Variants in CERS3 observed in about 807,000 individuals in gnomAD.
CERS3 encodes the protein LAG1 homolog, ceramide synthase 3.
Under a neutral mutation model 50.3 loss-of-function variants are expected in CERS3, and 33 were observed. The observed-to-expected ratio is 0.66, with a 90% CI of 0.50 to 0.88. The LOEUF (loss-of-function observed/expected upper bound fraction) is 0.88. Among genes scored for constraint, CERS3 ranks in the 40% least tolerant of loss-of-function variants. The pLI is 0.00. For missense variants in CERS3, 470 were observed against 460.3 expected, an observed-to-expected ratio of 1.02 and a Z score of -0.19; for synonymous variants, 176 against 155.2, an observed-to-expected ratio of 1.13 and a Z score of -0.99.
intron 2 of CERS3, among the ~76,000 whole-genome samples, chr15:100,509,325 T>A (rs2142353780): frequency 6.6e-6 from 1 of 152,356 alleles, no homozygotes; most frequent in Non-Finnish European, 1.5e-5. Flanking sequence ...ACAGTCTAAC[T>A]TTTGCTGATG....
chr15:100,511,409 A>G (rs2036335001), intron 2 of CERS3, among the ~76,000 whole-genome samples: 1 of 152,228 alleles, frequency 6.6e-6, no homozygotes, highest in South Asian at 2.1e-4. Context: ...ACTCAATTTA[A>G]AAAAATAATC....
chr15:100,520,569 C>T (rs1413813507), intron 2 of CERS3, among the ~76,000 whole-genome samples: 1 of 152,218 alleles, frequency 6.6e-6, no homozygotes, highest in Non-Finnish European at 1.5e-5. Context: ...GCTTATAATG[C>T]TTCCTCCTTC....
At chr15:100,485,854 A>G (rs2035468828) in intron 4 of CERS3, among the ~76,000 whole-genome samples, 1 of 152,158 alleles carries the variant, frequency 6.6e-6, no homozygotes, top group Non-Finnish European at 1.5e-5. Flanking sequence ...ACAGAGAAGG[A>G]CTCCATCTCT....
rs1227684242 is a variant in CERS3, at chr15:100,424,239, C to T, written c.1000-21374G>A. ...TACAGGTGTGAGCCACCATGCCTGG[C>T]CAGATATTTCTTTACAGCAGTGCCA... On this transcript the variant is annotated intron_variant, in intron 11 of 11. Transcript: ENST00000679737. Among the ~76,000 whole-genome samples the T allele has an allele frequency of 2.6e-5, 4 of 152,120 alleles. No individual in the cohort carries two copies. The East Asian group carries it at 7.7e-4, about 29-fold the overall frequency.
intron 11 of CERS3, among the ~76,000 whole-genome samples, chr15:100,455,611 A>G (rs971502781): frequency 1.3e-5 from 2 of 152,184 alleles, no homozygotes; most frequent in Non-Finnish European, 2.9e-5. Context: ...ATTTTCTTCA[A>G]GCATAAAAAC....
chr15:100,425,164 C>T (rs989874693), intron 11 of CERS3, among the ~76,000 whole-genome samples: 2 of 152,236 alleles, frequency 1.3e-5, no homozygotes, highest in African/African-American at 2.4e-5. Flanking sequence ...TCCACTAAGG[C>T]AGTGCAGAGG....
At chr15:100,412,458 T>G (rs949592878) in intron 11 of CERS3, among the ~76,000 whole-genome samples, 4 of 152,188 alleles carry the variant, frequency 2.6e-5, no homozygotes, top group Admixed American at 6.5e-5. Flanking sequence ...TACTGAAGAT[T>G]TGTAGTAAGT....
At chr15:100,474,573 T>G (rs1195359134) in intron 8 of CERS3, among the ~76,000 whole-genome samples, 2 of 151,984 alleles carry the variant, frequency 1.3e-5, no homozygotes, top group African/African-American at 4.8e-5. Context: ...CCTGGCTAAT[T>G]TTTGTATTTT....
At chr15:100,415,176 T>G (rs1325600043) in intron 11 of CERS3, among the ~76,000 whole-genome samples, 6 of 152,146 alleles carry the variant, frequency 3.9e-5, no homozygotes, top group African/African-American at 4.8e-5. Flanking sequence ...GAGAAAAAGT[T>G]CAACATCACT....
At chr15:100,493,970 C>A (rs2587775) in intron 3 of CERS3, among the ~76,000 whole-genome samples, 130,250 of 151,692 alleles carry the variant, frequency 0.86, 57,292 homozygotes, top group East Asian at 0.99. Context: ...TGACTTAAAG[C>A]CTCTAATAAG....
intron 2 of CERS3, among the ~76,000 whole-genome samples, chr15:100,519,873 C>G (rs2142381937): frequency 6.6e-6 from 1 of 152,300 alleles, no homozygotes; most frequent in South Asian, 2.1e-4. Flanking sequence ...AACTGTGTAC[C>G]AGGACCCTGT....
At chr15:100,461,161 C>G (rs1310666523) in intron 10 of CERS3, among the ~76,000 whole-genome samples, 1 of 152,134 alleles carries the variant, frequency 6.6e-6, no homozygotes, top group Non-Finnish European at 1.5e-5. Context: ...AATATCAGAG[C>G]TGGGTTCAAG....
chr15:100,458,180 A>G (rs2034436667), intron 10 of CERS3, among the ~76,000 whole-genome samples: 1 of 152,244 alleles, frequency 6.6e-6, no homozygotes, highest in Non-Finnish European at 1.5e-5. Flanking sequence ...TTGTTAATTT[A>G]AAAGATAAAA....
chr15:100,446,361 C>G (rs1389595965), intron 11 of CERS3, among the ~76,000 whole-genome samples: 1 of 131,154 alleles, frequency 7.6e-6, no homozygotes, highest in East Asian at 2.2e-4. Context: ...AGAAACTTCT[C>G]AGGTTTTTTT....
intron 4 of CERS3, among the ~76,000 whole-genome samples, chr15:100,488,688 T>C (rs772978053): frequency 1.1e-4 from 16 of 152,222 alleles, no homozygotes; most frequent in Non-Finnish European, 2.1e-4. Flanking sequence ...GCCTCAGTTT[T>C]TTAATCTCAG....
At chr15:100,460,130 T>C (rs2034503112) in intron 10 of CERS3, among the ~76,000 whole-genome samples, 1 of 152,234 alleles carries the variant, frequency 6.6e-6, no homozygotes, top group Admixed American at 6.5e-5. Context: ...AATTGCTTAT[T>C]TTATACTTTG....
At position 100,402,880 on chromosome 15, in the gene CERS3, G is replaced by T. The variant is rs2030665155; in HGVS notation, c.1000-15C>A. The T allele has an allele frequency of 6.4e-7, 1 of 1,571,234 alleles. No homozygotes were observed. Among genetic ancestry groups the T allele is most frequent in the South Asian group, 1.2e-5 (1 of 86,128 alleles). On this transcript the variant is annotated splice_polypyrimidine_tract_variant and intron_variant, in intron 11 of 11. Transcript: ENST00000679737. The stretch of plus-strand genomic sequence containing the variant: ...TCCTGGATGCTCTAGACAAAGGAAA[G>T]AATTGGCTGTGAGTGACAATCTTCC...
At chr15:100,479,855 C>G in intron 6 of CERS3, 134 bp downstream of exon 6, 1 of 684,656 alleles carries the variant, frequency 1.5e-6, no homozygotes, top group Non-Finnish European at 2.5e-6. Context: ...ATATTTGAGA[C>G]AAATGTTGAA....
intron 1 of CERS3, chr15:100,544,197 C>G (rs1217850510): frequency 6.6e-6 from 1 of 152,378 alleles, no homozygotes; most frequent in African/African-American, 2.4e-5. Flanking sequence ...CGTAGAAACC[C>G]ACGAAAGTAA....
Sources: gnomAD v4.1 joint callset for allele counts (sites outside exome capture counted in the v4.1 genomes callset) on GRCh38, gnomAD v4.1.1 for gene constraint, MANE v1.5 for transcripts, NCBI Gene and HGNC (gene_info 2026-07-23, HGNC 2026-07-21) for gene names.